The following DNAJC13 variants were observed in gnomAD, a reference collection of about 807,000 sequenced individuals.
DNAJC13 encodes the protein dnaJ homolog subfamily C member 13.
Under a neutral mutation model 290.5 loss-of-function variants are expected in DNAJC13, and 75 were observed. The ratio of observed to expected loss-of-function variants is 0.26; its 90% CI spans 0.21 to 0.31. The LOEUF is 0.31. DNAJC13 is among the 10% of genes least tolerant of loss of function. The pLI is 1.00. For synonymous variants in DNAJC13, 862 were observed against 892.0 expected (o/e 0.97, Z 0.60); for missense variants, 2,260 against 2,674.5 (o/e 0.85, Z 3.42).
chr3:132,451,485 C>G (rs1933413533), intron 6 of DNAJC13, among the ~76,000 whole-genome samples: 1 of 152,000 alleles, frequency 6.6e-6, no homozygotes, highest in African/African-American at 2.4e-5. Context: ...ATAACAGAAG[C>G]TACTTAAGGT....
In DNAJC13 at chr3:132,447,382, A is replaced by G; in HGVS notation, c.206A>G (p.Asn69Ser). 1.9e-6 allele frequency: 3 copies of G among 1,609,210 alleles called. No homozygotes were observed. The highest frequency in any genetic ancestry group is 2.5e-6 in the Non-Finnish European group (3 of 1,177,824). ...PVGKGQGTEF[N>S]LTFRKGSGKK... Reference sequence around the variant, plus strand: ...GGAAAAGGACAAGGAACGGAGTTCAACCTCACATTTCGTAAAGGCAGTGGA... The same window carrying G: ...GGAAAAGGACAAGGAACGGAGTTCAGCCTCACATTTCGTAAAGGCAGTGGA... The change falls in exon 4 of 56, where the codon AAC (asparagine) becomes AGC (serine). Residue 69 changes from asparagine to serine, a missense_variant. Transcript: ENST00000260818.
intron 2 of DNAJC13, among the ~76,000 whole-genome samples, chr3:132,438,331 T>A (rs898719883): frequency 2.0e-5 from 3 of 152,230 alleles, no homozygotes; most frequent in African/African-American, 7.2e-5. Context: ...ACTGAGACTT[T>A]TTATTATACT....
chr3:132,486,638 T>G (rs979070182), intron 29 of DNAJC13, among the ~76,000 whole-genome samples: 10 of 152,182 alleles, frequency 6.6e-5, no homozygotes, highest in African/African-American at 2.4e-4. Flanking sequence ...TTATTTTTGT[T>G]TTTCTTTTAA....
chr3:132,514,427 A>G (rs1935862889), intron 45 of DNAJC13, 144 bp from the exon 46 acceptor site: 1 of 576,698 alleles, frequency 1.7e-6, no homozygotes, highest in South Asian at 2.4e-5. Context: ...AATAAAGGCA[A>G]TCTTTTAAAA....
chr3:132,447,458 T>G lies in DNAJC13; in HGVS notation c.282T>G (p.Leu94=), dbSNP rs116489157. 0.015 allele frequency: 24,068 copies of G among 1,574,692 alleles called. 226 individuals carry two copies. Among genetic ancestry groups the G allele is most frequent in the Non-Finnish European group, 0.017 (20,336 of 1,168,116 alleles). Residue 94 remains leucine, a synonymous_variant, in exon 4 of 56, where the codon CTT becomes CTG. Coordinates refer to ENST00000260818, the MANE Select transcript of DNAJC13 (RefSeq NM_015268.4). ...CTACAGAGCACAGAACAGAACTTCT[T>G]ACAGAAGCATTGGTAAGAAGATTCC... is the stretch of plus-strand genomic sequence containing the variant. ...KFSTEHRTEL[L]TEALRFRTDF...
At chr3:132,515,892 C>G (rs1206380815) in intron 46 of DNAJC13, among the ~76,000 whole-genome samples, 1 of 152,134 alleles carries the variant, frequency 6.6e-6, no homozygotes, top group Non-Finnish European at 1.5e-5. Context: ...CCATTTGACT[C>G]TAGAAGAGTT....
intron 28 of DNAJC13, among the ~76,000 whole-genome samples, chr3:132,483,882 A>G (rs1164721180): frequency 1.3e-5 from 2 of 152,224 alleles, no homozygotes; most frequent in Non-Finnish European, 2.9e-5. Context: ...CAGTCCATAG[A>G]CAGTGGTGAA....
At chr3:132,436,209 C>T (rs1197290061) in intron 2 of DNAJC13, among the ~76,000 whole-genome samples, 2 of 152,174 alleles carry the variant, frequency 1.3e-5, no homozygotes, top group Non-Finnish European at 2.9e-5. Flanking sequence ...TACAAATCAG[C>T]AGTTAACTCC....
At chr3:132,531,136 A>G in intron 55 of DNAJC13, 39 bp downstream of exon 55, 1 of 1,570,614 alleles carries the variant, frequency 6.4e-7, no homozygotes, top group Non-Finnish European at 8.8e-7. Flanking sequence ...GACACCTGGC[A>G]GAAGCCACTT....
At chr3:132,449,812 T>A (rs1310726880) in intron 5 of DNAJC13, among the ~76,000 whole-genome samples, 1 of 152,164 alleles carries the variant, frequency 6.6e-6, no homozygotes, top group African/African-American at 2.4e-5. Context: ...GGTAGAAAAC[T>A]GCGGTGTTTG....
intron 43 of DNAJC13, among the ~76,000 whole-genome samples, chr3:132,510,607 G>C (rs1246952236): frequency 3.3e-5 from 5 of 152,166 alleles, no homozygotes; most frequent in African/African-American, 1.2e-4. Context: ...TTTACTCTTA[G>C]AGGAAAAATG....
intron 29 of DNAJC13, among the ~76,000 whole-genome samples, chr3:132,487,796 A>T (rs1934930589): frequency 1.3e-5 from 2 of 152,062 alleles, no homozygotes; most frequent in South Asian, 4.2e-4. Flanking sequence ...TCTAGAGGCC[A>T]CATCTTTTGG....
chr3:132,454,232 G>C (rs1173696828), intron 9 of DNAJC13, 75 bp downstream of exon 9: 1 of 949,306 alleles, frequency 1.1e-6, no homozygotes, highest in Non-Finnish European at 1.6e-6. Context: ...GAAAACCAAA[G>C]ATATGTAGTC....
intron 50 of DNAJC13, 111 bp from the exon 51 acceptor site, chr3:132,523,429 T>G (rs1432611923): frequency 7.6e-7 from 1 of 1,310,852 alleles, no homozygotes; most frequent in African/African-American, 1.5e-5. Flanking sequence ...TTTGATTATA[T>G]TATGGCTGTT....
chr3:132,422,790 G>A (rs939994053), intron 1 of DNAJC13, among the ~76,000 whole-genome samples: 4 of 152,088 alleles, frequency 2.6e-5, no homozygotes, highest in African/African-American at 9.7e-5. Flanking sequence ...TTCAATAGTC[G>A]ACATATGGGA....
chr3:132,478,203 A>G, intron 24 of DNAJC13, 63 bp downstream of exon 24: 2 of 1,393,142 alleles, frequency 1.4e-6, no homozygotes, highest in South Asian at 3.0e-5. Flanking sequence ...GTTAAATTTT[A>G]AAAACTAAAT....
chr3:132,523,322 G>A (rs1936154166), intron 50 of DNAJC13, 123 bp downstream of exon 50: 2 of 1,270,342 alleles, frequency 1.6e-6, no homozygotes, highest in African/African-American at 1.5e-5. Context: ...TATTCCCCTG[G>A]AAAATAAGGC....
rs1936583029 is a variant in DNAJC13 at position 132,536,122 on chromosome 3, C to T, written c.6626-2054C>T. Reference sequence around the variant, plus strand: ...TCCGTCCCCAAGCCAAAAGAAATACCTAATAATTTAGTTTATGAAGTAATT... The same window carrying T: ...TCCGTCCCCAAGCCAAAAGAAATACTTAATAATTTAGTTTATGAAGTAATT... On this transcript the variant is annotated intron_variant, in intron 55 of 55. Transcript: ENST00000260818. 2.6e-5 allele frequency among the ~76,000 whole-genome samples: 4 copies of T among 152,146 alleles called. No individual in the cohort carries two copies. In the South Asian group the frequency reaches 8.3e-4, roughly 32 times the overall value.
intron 55 of DNAJC13, among the ~76,000 whole-genome samples, chr3:132,534,820 A>G (rs989430715): frequency 2.6e-5 from 4 of 152,188 alleles, no homozygotes; most frequent in African/African-American, 9.7e-5. Context: ...AGTTGGATTG[A>G]TGTGTGCTCA....
Sources: allele counts gnomAD v4.1 joint callset (sites outside exome capture counted in the v4.1 genomes callset), GRCh38; gene constraint gnomAD v4.1.1; transcripts MANE v1.5; gene names NCBI Gene and HGNC (gene_info 2026-07-23, HGNC 2026-07-21).